The following SERPINE2 variants were observed in gnomAD, a reference collection of about 807,000 sequenced individuals.
SERPINE2 encodes serpin family E member 2.
In SERPINE2, 14 loss-of-function variants were observed where a neutral mutation model predicts 36.3. The observed-to-expected ratio is 0.39, with a 90% CI of 0.25 to 0.60. The LOEUF (loss-of-function observed/expected upper bound fraction) is 0.60, where lower values mean the gene tolerates loss of function less well. Ranked by LOEUF, SERPINE2 falls within the 20% of genes least tolerant of loss-of-function variation. The pLI is 0.57. For synonymous variants in SERPINE2, 192 were observed against 191.8 expected (o/e 1.00, Z -0.01); for missense variants, 418 against 499.6 (o/e 0.84, Z 1.56).
chr2:223,980,374 G>C lies in SERPINE2; in HGVS notation c.1009C>G (p.His337Asp). The C allele has an allele frequency of 1.2e-6, 2 of 1,614,064 alleles. No homozygotes were observed. Among genetic ancestry groups the C allele is most frequent in the Non-Finnish European group, 1.7e-6 (2 of 1,179,940 alleles). ...ITRSENLHVSHILQKAKIEVS... is the reference protein window; with the variant it reads ...ITRSENLHVSDILQKAKIEVS... ...TCAATTTTTGCTTTTTGCAAGATAT[G>C]AGAAACATGGAGGTTTTCTGACCCT... Residue 337 changes from histidine to aspartate, a missense_variant, in exon 7 of 9, where the codon CAT becomes GAT. By Grantham distance (81) the His-to-Asp change is moderately conservative. Coordinates refer to ENST00000409304, the MANE Select transcript of SERPINE2 (RefSeq NM_001136528.2).
chr2:223,975,812 G>C lies in SERPINE2; in HGVS notation c.*55C>G. On this transcript the variant is annotated 3_prime_UTR_variant, in exon 9 of 9. Transcript: ENST00000409304. ...GAACTATGAAAGATGCAGGAAAGGA[G>C]TCTTTCTTCGTAGCAAAGTAGTCGT... 7.1e-7 allele frequency: 1 copy of C among 1,405,128 alleles called. No individual in the cohort carries two copies. The highest frequency in any genetic ancestry group is 9.8e-7 in the Non-Finnish European group (1 of 1,023,420). 87.0% of individuals were successfully genotyped at this position (1,405,128 alleles called of 1,614,324 possible).
In SERPINE2 at chr2:223,977,576, G is replaced by T; in HGVS notation, c.1124C>A (p.Pro375His). The change falls in exon 8 of 9, where the codon CCT becomes CAT. Residue 375 changes from proline (P) to histidine (H), a missense_variant. Transcript: ENST00000409304. ...ATTATGTCGGATGAAAAACAGAAAA[G>T]GTCTGTCTACTATAAACCAGGGAGG... The part of the protein sequence containing the change: ...SSPPWFIVDR[P>H]FLFFIRHNPT... The T allele has an allele frequency of 1.2e-6, 2 of 1,613,072 alleles. No homozygotes were observed. The highest frequency in any genetic ancestry group is 1.7e-6 in the Non-Finnish European group (2 of 1,179,094).
chr2:223,985,302 T>A (rs74529704), intron 4 of SERPINE2, among the ~76,000 whole-genome samples: 8 of 6,432 alleles, frequency 1.2e-3, no homozygotes, highest in Non-Finnish European at 2.9e-3. Context: ...AATCATTCCT[T>A]TTTTTTTTTT....
intron 1 of SERPINE2, among the ~76,000 whole-genome samples, chr2:224,019,770 A>ATTTTTTTTTTT (rs1261601893): frequency 7.7e-6 from 1 of 129,286 alleles, no homozygotes. Flanking sequence ...TTTTTTAAAA[A>ATTTTTTTTTTT]AAAAAAAAGA....
At chr2:224,038,647 G>C in intron 1 of SERPINE2, 1 of 759,092 alleles carries the variant, frequency 1.3e-6, no homozygotes, top group Non-Finnish European at 2.3e-6. Context: ...TAACAAGTAA[G>C]AGTGCGCCAG....
intron 2 of SERPINE2, among the ~76,000 whole-genome samples, chr2:223,999,356 T>C (rs1691015719): frequency 6.6e-6 from 1 of 152,214 alleles, no homozygotes; most frequent in African/African-American, 2.4e-5. Flanking sequence ...CAGATCCTTC[T>C]TCATCGCTTG....
intron 3 of SERPINE2, among the ~76,000 whole-genome samples, chr2:223,995,582 C>T (rs1251472937): frequency 1.3e-5 from 2 of 152,182 alleles, no homozygotes; most frequent in African/African-American, 4.8e-5. Flanking sequence ...CGTTCTTTTT[C>T]GTGTGTAAAC....
intron 3 of SERPINE2, among the ~76,000 whole-genome samples, chr2:223,993,082 A>G (rs1690736054): frequency 1.3e-5 from 2 of 152,154 alleles, no homozygotes; most frequent in Admixed American, 1.3e-4. Context: ...CTATGACTGC[A>G]CCACTGCACT....
At chr2:223,976,204 A>C (rs2106126410) in intron 8 of SERPINE2, among the ~76,000 whole-genome samples, 1 of 152,324 alleles carries the variant, frequency 6.6e-6, no homozygotes, top group Middle Eastern at 3.4e-3. Context: ...AGGCTGGAGT[A>C]CAATGGCGCC....
rs952641627 is a variant in SERPINE2, at chr2:223,998,282, A to G, written c.320T>C (p.Ile107Thr). The G allele has an allele frequency of 3.1e-6, 5 of 1,614,064 alleles. No individual in the cohort carries two copies. Among genetic ancestry groups the G allele is most frequent in the Non-Finnish European group, 4.2e-6 (5 of 1,180,034 alleles). ...AAACACGGCGTTAGCCACTGTCACA[A>G]TGTCTTTATTCTTCTTGGAGACGAT... ...KAIVSKKNKDIVTVANAVFVK... is the reference protein window; with the variant it reads ...KAIVSKKNKDTVTVANAVFVK... Residue 107 changes from isoleucine to threonine, a missense_variant, in exon 3 of 9, where the codon ATT (isoleucine) becomes ACT (threonine). Physicochemically the swap from Ile to Thr is moderately conservative, Grantham distance 89 (BLOSUM62 -1). Coordinates refer to ENST00000409304, the MANE Select transcript of SERPINE2 (RefSeq NM_001136528.2).
At chr2:224,009,672 G>A (rs1007152444) in intron 1 of SERPINE2, among the ~76,000 whole-genome samples, 5 of 151,266 alleles carry the variant, frequency 3.3e-5, no homozygotes, top group African/African-American at 1.2e-4. Flanking sequence ...TCCAGCCCAG[G>A]TGACAGAGTG....
intron 7 of SERPINE2, 41 bp downstream of exon 7, chr2:223,980,270 C>A (rs757269122): frequency 3.3e-6 from 5 of 1,502,676 alleles, no homozygotes; most frequent in South Asian, 1.1e-5. Flanking sequence ...TGTGTTTGCT[C>A]CCCTGCTAGA....
intron 6 of SERPINE2, chr2:223,982,445 C>T (rs1690257474): frequency 5.3e-6 from 2 of 380,542 alleles, no homozygotes; most frequent in African/African-American, 2.1e-5. Flanking sequence ...TCCATGTAAC[C>T]AAAAACCACT....
At chr2:223,992,515 TTAAGA>T (rs1464759857) in intron 3 of SERPINE2, among the ~76,000 whole-genome samples, 54 of 152,354 alleles carry the variant, frequency 3.5e-4, no homozygotes, top group African/African-American at 1.3e-3. Context: ...TTCATTTCTC[TTAAGA>T]TTTTAGAAAC....
chr2:224,012,602 C>CA lies in SERPINE2; in HGVS notation c.-22-10681dup, dbSNP rs35279856. Among the ~76,000 whole-genome samples the CA allele has an allele frequency of 4.5e-3, 613 of 135,640 alleles. 5 individuals carry two copies. Among genetic ancestry groups the CA allele is most frequent in the African/African-American group, 0.012 (441 of 35,568 alleles). The allele number at this position is 135,640 out of a possible 152,430, so 89.0% of individuals were successfully genotyped here. A position where few individuals can be genotyped will look rare whatever the true frequency, so the allele number is the denominator to read the frequency against. On this transcript the variant is annotated intron_variant, in intron 1 of 8. Transcript: ENST00000409304. ...TGGGCGACAGAGCGAGACTCCATCC[C>CA]AAAAAAAAAAAAAAAATTATACACA...
chr2:223,984,730 T>A, intron 5 of SERPINE2, 22 bp downstream of exon 5: 2 of 1,607,766 alleles, frequency 1.2e-6, no homozygotes, highest in East Asian at 2.2e-5. Context: ...ACTGTTTTCT[T>A]TGAGGGGAAG....
At chr2:224,030,197 G>T in intron 1 of SERPINE2, 2 of 985,394 alleles carry the variant, frequency 2.0e-6, no homozygotes, top group Non-Finnish European at 2.4e-6. Flanking sequence ...CAACGCACAA[G>T]AGCCTGAAGC....
chr2:223,988,524 C>T (rs978616834), intron 4 of SERPINE2, among the ~76,000 whole-genome samples: 6 of 152,090 alleles, frequency 3.9e-5, no homozygotes, highest in Non-Finnish European at 7.4e-5. Flanking sequence ...CAAGTTAAGA[C>T]GTAATGTGAA....
intron 1 of SERPINE2, among the ~76,000 whole-genome samples, chr2:224,006,155 C>G (rs1691415583): frequency 6.6e-6 from 1 of 152,076 alleles, no homozygotes; most frequent in African/African-American, 2.4e-5. Flanking sequence ...TCTATAGACC[C>G]AATGGCGTCA....
Sources: allele counts gnomAD v4.1 joint callset (sites outside exome capture counted in the v4.1 genomes callset), GRCh38; gene constraint gnomAD v4.1.1; transcripts MANE v1.5; gene names NCBI Gene and HGNC (gene_info 2026-07-23, HGNC 2026-07-21).